ETFRF1: variants seen among roughly 807,000 people sequenced by gnomAD.
ETFRF1 encodes electron transfer flavoprotein regulatory factor 1.
A neutral mutation model predicts 9.0 loss-of-function variants in ETFRF1; 12 were observed. That is an observed-to-expected ratio of 1.34 (90% confidence interval 0.86 to 2.16). ETFRF1 has a LOEUF of 2.16. Ranked by LOEUF, ETFRF1 falls within the 30% of genes most tolerant of loss-of-function variation. The pLI is 0.00. For missense variants in ETFRF1, 98 were observed against 101.8 expected, an observed-to-expected ratio of 0.96 and a Z score of 0.16; for synonymous variants, 34 against 33.2, an observed-to-expected ratio of 1.02 and a Z score of -0.08.
In ETFRF1 at chr12:25,204,826, A is replaced by G. The variant is rs532074738; in HGVS notation, c.*514A>G. The G allele has an allele frequency of 5.2e-6, 1 of 191,270 alleles. No individual in the cohort carries two copies. Among genetic ancestry groups the G allele is most frequent in the East Asian group, 8.3e-5 (1 of 12,036 alleles). The allele number at this position is 191,270 out of a possible 1,614,324, so 11.8% of individuals were successfully genotyped here. ...TTAAATGTAGTTATAGAAATAAATA[A>G]TATGTATGGAGTCATTACTTCTGAC... On this transcript the variant is annotated 3_prime_UTR_variant, in exon 3 of 3. Transcript: ENST00000381356.
chr12:25,200,639 T>G (rs1403020241), intron 1 of ETFRF1, among the ~76,000 whole-genome samples: 2 of 152,182 alleles, frequency 1.3e-5, no homozygotes, highest in Non-Finnish European at 2.9e-5. Flanking sequence ...AATTCTATAC[T>G]CAGACAAGCT....
chr12:25,200,666 G>A (rs914282987), intron 1 of ETFRF1, among the ~76,000 whole-genome samples: 4 of 152,152 alleles, frequency 2.6e-5, no homozygotes, highest in African/African-American at 9.7e-5. Context: ...CAGATAGAGG[G>A]AGCCAGCCAT....
At chr12:25,200,952 A>G (rs1035856420) in intron 1 of ETFRF1, among the ~76,000 whole-genome samples, 6 of 152,194 alleles carry the variant, frequency 3.9e-5, no homozygotes, top group Admixed American at 2.6e-4. Flanking sequence ...CCCTGCTGCC[A>G]TTGTATCATC....
At chr12:25,201,061 TCTG>T (rs1951069836) in intron 1 of ETFRF1, among the ~76,000 whole-genome samples, 1 of 152,224 alleles carries the variant, frequency 6.6e-6, no homozygotes, top group South Asian at 2.1e-4. Flanking sequence ...CCTGCTCTCT[TCTG>T]TGCTGTGCTG....
chr12:25,196,382 T>C (rs1363215656), intron 1 of ETFRF1, among the ~76,000 whole-genome samples: 1 of 152,232 alleles, frequency 6.6e-6, no homozygotes, highest in African/African-American at 2.4e-5. Flanking sequence ...TTAGGATTCA[T>C]CGGGGTAAGG....
chr12:25,204,466 C>T lies in ETFRF1; in HGVS notation c.*154C>T, dbSNP rs187933956. ...AAATAGGTTTCAACTTCTGTTCATA[C>T]GGAGAAAGTATCAGCAACTTTATGC... On this transcript the variant is annotated 3_prime_UTR_variant, in exon 3 of 3. Transcript: ENST00000381356. 1.6e-5 allele frequency: 8 copies of T among 508,870 alleles called. No individual in the cohort carries two copies. The highest frequency in any genetic ancestry group is 1.0e-4 in the East Asian group (3 of 29,682). 31.5% of individuals were successfully genotyped at this position (508,870 alleles called of 1,614,324 possible).
At chr12:25,195,576 T>C (rs1409815184) in intron 1 of ETFRF1, 2 of 205,016 alleles carry the variant, frequency 9.8e-6, no homozygotes, top group East Asian at 2.7e-4. Context: ...CCTCTGCGGT[T>C]TAATCCAGCA....
rs372587409 is a variant in ETFRF1 at position 25,204,106 on chromosome 12, C to A, written c.67C>A (p.Arg23=). 3 of 1,587,426 alleles carry A rather than the reference C, an allele frequency of 1.9e-6. No homozygotes were observed. The African/African-American group carries it at 4.0e-5, about 21-fold the overall frequency. ...KLYKNLLYLG[R]DYPKGADYFK... ...CTTTTTGAAGCTGCTGTATCTTGGA[C>A]GAGACTATCCAAAAGGAGCAGACTA... is the stretch of plus-strand genomic sequence containing the variant. The change falls in exon 3 of 3, where the codon CGA becomes AGA. Residue 23 remains arginine (R), a synonymous_variant. Coordinates refer to ENST00000381356, the MANE Select transcript of ETFRF1 (RefSeq NM_001001660.3).
intron 1 of ETFRF1, among the ~76,000 whole-genome samples, chr12:25,199,605 C>T (rs964746204): frequency 5.8e-4 from 82 of 140,908 alleles, no homozygotes; most frequent in African/African-American, 2.1e-3. Context: ...TGTATATATA[C>T]ATATATGTAT....
At chr12:25,202,400 T>G (rs1020588774) in intron 1 of ETFRF1, among the ~76,000 whole-genome samples, 1 of 151,392 alleles carries the variant, frequency 6.6e-6, no homozygotes, top group Non-Finnish European at 1.5e-5. Flanking sequence ...GAGGAGGGCC[T>G]CTGGGGGTAG....
At position 25,195,291 on chromosome 12, in the gene ETFRF1, G is replaced by T; in HGVS notation, c.-84G>T. On this transcript the variant is annotated 5_prime_UTR_variant, in exon 1 of 3. Coordinates refer to ENST00000381356, the MANE Select transcript of ETFRF1 (RefSeq NM_001001660.3). ...CACCCCGCTTCGCAGTAGACGGACA[G>T]AGGAGTCGTAGCGGTCGAGGCTTTT... is the stretch of plus-strand genomic sequence containing the variant. 1.6e-6 allele frequency: 1 copy of T among 623,902 alleles called. No individual in the cohort carries two copies. The highest frequency in any genetic ancestry group is 1.9e-5 in the South Asian group (1 of 53,246). The allele number at this position is 623,902 out of a possible 1,614,324, so 38.6% of individuals were successfully genotyped here.
At chr12:25,198,520 T>C (rs553669264) in intron 1 of ETFRF1, among the ~76,000 whole-genome samples, 1 of 151,778 alleles carries the variant, frequency 6.6e-6, no homozygotes, top group Non-Finnish European at 1.5e-5. Context: ...AGCTCAGAAG[T>C]GATAGAGACA....
At chr12:25,195,762 T>C (rs1007776789) in intron 1 of ETFRF1, 5 of 152,740 alleles carry the variant, frequency 3.3e-5, no homozygotes, top group African/African-American at 1.2e-4. Flanking sequence ...AATGAAGCAA[T>C]TCCTGGCTAA....
chr12:25,202,965 G>C (rs896279932), intron 1 of ETFRF1, among the ~76,000 whole-genome samples: 2 of 152,200 alleles, frequency 1.3e-5, no homozygotes, highest in African/African-American at 4.8e-5. Flanking sequence ...GTCCCATGGT[G>C]ATTAGCATTT....
At chr12:25,196,786 CA>C (rs1317503424) in intron 1 of ETFRF1, among the ~76,000 whole-genome samples, 3 of 152,224 alleles carry the variant, frequency 2.0e-5, no homozygotes, top group Non-Finnish European at 4.4e-5. Flanking sequence ...TTATTCACTA[CA>C]TTGTGAACCC....
chr12:25,202,102 G>A (rs926086500), intron 1 of ETFRF1, among the ~76,000 whole-genome samples: 7 of 129,762 alleles, frequency 5.4e-5, no homozygotes, highest in African/African-American at 1.1e-4. Context: ...GCGTGGTGGC[G>A]CGCACACGTA....
At chr12:25,199,117 C>T (rs1051362274) in intron 1 of ETFRF1, among the ~76,000 whole-genome samples, 2 of 151,028 alleles carry the variant, frequency 1.3e-5, no homozygotes, top group Non-Finnish European at 2.9e-5. Context: ...AAGTATAATT[C>T]GATAAATTTG....
intron 1 of ETFRF1, among the ~76,000 whole-genome samples, chr12:25,201,710 G>A (rs1419986930): frequency 6.6e-6 from 1 of 152,082 alleles, no homozygotes; most frequent in Non-Finnish European, 1.5e-5. Context: ...ATTGTAAAAG[G>A]TGTAAATTTT....
Position 25,204,206 on chromosome 12 carries a change from T to A in ETFRF1, c.167T>A (p.Ile56Asn), listed in dbSNP as rs758141786. 6.2e-6 allele frequency: 10 copies of A among 1,613,190 alleles called. No homozygotes were observed. Among genetic ancestry groups the A allele is most frequent in the Non-Finnish European group, 8.5e-6 (10 of 1,179,590 alleles). ...VKNPEKIKEL[I>N]AQGEFVMKEL... ...AATCCAGAGAAGATCAAAGAACTTA[T>A]TGCACAGGGCGAATTTGTAATGAAA... The change falls in exon 3 of 3, where the codon ATT becomes AAT. Residue 56 changes from isoleucine to asparagine, a missense_variant. Ile to Asn is a moderately radical substitution (Grantham distance 149, BLOSUM62 -3). Coordinates refer to ENST00000381356, the MANE Select transcript of ETFRF1 (RefSeq NM_001001660.3).
Sources: gnomAD v4.1 joint callset for allele counts (sites outside exome capture counted in the v4.1 genomes callset) on GRCh38, gnomAD v4.1.1 for gene constraint, MANE v1.5 for transcripts, NCBI Gene and HGNC (gene_info 2026-07-23, HGNC 2026-07-21) for gene names.